Variants in FAM161A observed in about 807,000 individuals in gnomAD.
FAM161A encodes the protein protein FAM161A.
FAM161A carries 57 observed loss-of-function variants against 70.9 expected under a neutral mutation model. That is an observed-to-expected ratio of 0.80 (90% confidence interval 0.65 to 1.00). The LOEUF (loss-of-function observed/expected upper bound fraction) is 1.00, where lower values mean the gene tolerates loss of function less well. Ranked by LOEUF, FAM161A falls within the 50% of genes least tolerant of loss-of-function variation. The probability of loss-of-function intolerance (pLI) is 0.00; values close to 1 mark genes in which losing one functional copy is unlikely to be tolerated. For missense variants in FAM161A, 880 were observed against 836.0 expected, an observed-to-expected ratio of 1.05 and a Z score of -0.65; for synonymous variants, 299 against 295.7, an observed-to-expected ratio of 1.01 and a Z score of -0.12.
In FAM161A at chr2:61,847,040, T is replaced by C. The variant is rs1019657503; in HGVS notation, c.184-4680A>G. 29 of 384,898 alleles carry C rather than the reference T, an allele frequency of 7.5e-5. No homozygotes were observed. In the Middle Eastern group the frequency reaches 3.2e-3, roughly 42 times the overall value. 23.8% of individuals were successfully genotyped at this position (384,898 alleles called of 1,614,324 possible). A position where few individuals can be genotyped will look rare whatever the true frequency, so the allele number is the denominator to read the frequency against. The stretch of plus-strand genomic sequence containing the variant: ...AGTCGGGTGTGGTGGTGCATGCCTA[T>C]AATCCCAGCTACTCGGGAGGCTGAG... On this transcript the variant is annotated intron_variant, in intron 1 of 6. Transcript: ENST00000404929.
At chr2:61,845,694 C>T (rs544033275) in intron 1 of FAM161A, among the ~76,000 whole-genome samples, 1 of 151,882 alleles carries the variant, frequency 6.6e-6, no homozygotes, top group East Asian at 1.9e-4. Context: ...GATGTGGTGG[C>T]TGAGGTGGGA....
At chr2:61,812,035 T>C in the FAM161A span, among the ~76,000 whole-genome samples, 1 of 152,124 alleles carries the variant, frequency 6.6e-6, no homozygotes, top group Non-Finnish European at 1.5e-5. Flanking sequence ...TGTTCCTCTA[T>C]CTAAGATGCC....
In FAM161A at chr2:61,853,751, A is replaced by C. The variant is rs911989633; in HGVS notation, c.183+108T>G. The C allele has an allele frequency of 3.2e-6, 4 of 1,259,018 alleles. No homozygotes were observed. In the Admixed American group the frequency reaches 9.0e-5, roughly 28 times the overall value. 78.0% of individuals were successfully genotyped at this position (1,259,018 alleles called of 1,614,324 possible). A position where few individuals can be genotyped will look rare whatever the true frequency, so the allele number is the denominator to read the frequency against. On this transcript the variant is annotated intron_variant, in intron 1 of 6. Transcript: ENST00000404929. ...ACCACCAAGTAGGGACTATGTGCACAGGGACCCGCGTTTACCAGCCTGCCC... is the reference window on the plus strand; with the variant it reads ...ACCACCAAGTAGGGACTATGTGCACCGGGACCCGCGTTTACCAGCCTGCCC...
At chr2:61,811,872 C>T in the FAM161A span, among the ~76,000 whole-genome samples, 3 of 152,110 alleles carry the variant, frequency 2.0e-5, no homozygotes, top group African/African-American at 7.2e-5. Flanking sequence ...CCTATCTCAC[C>T]CAGAATAAAA....
At position 61,838,892 on chromosome 2, in the gene FAM161A, A is replaced by ATTTATTTATTTT. The variant is rs747578151; in HGVS notation, c.1584-188_1584-187insAAAATAAATAAA. 2.2e-3 allele frequency among the ~76,000 whole-genome samples: 288 copies of ATTTATTTATTTT among 130,324 alleles called. 2 individuals are homozygous for ATTTATTTATTTT. The highest frequency in any genetic ancestry group is 5.3e-3 in the African/African-American group (197 of 37,068). The allele number at this position is 130,324 out of a possible 152,430, so 85.5% of individuals were successfully genotyped here. A position where few individuals can be genotyped will look rare whatever the true frequency, so the allele number is the denominator to read the frequency against. The stretch of plus-strand genomic sequence containing the variant: ...TATTTATTTATTTATTTATTTATTT[A>ATTTATTTATTTT]TTTTTTTTGAGATGGAGTCTCGCTC... On this transcript the variant is annotated intron_variant, in intron 3 of 6. Transcript: ENST00000404929.
the FAM161A span, among the ~76,000 whole-genome samples, chr2:61,810,813 C>A: frequency 2.0e-5 from 3 of 151,940 alleles, 1 homozygote; most frequent in South Asian, 6.2e-4. Flanking sequence ...AGGTCCCTGG[C>A]AATGGAGAGA....
the FAM161A span, among the ~76,000 whole-genome samples, chr2:61,800,462 C>T: frequency 1.3e-5 from 2 of 152,170 alleles, no homozygotes; most frequent in East Asian, 3.9e-4. Flanking sequence ...CCGGTACCGT[C>T]GTTAGATTGT....
Position 61,839,462 on chromosome 2 carries a change from G to A in FAM161A, c.1542C>T (p.Pro514=), listed in dbSNP as rs539389330. 31 of 1,614,014 alleles carry A rather than the reference G, an allele frequency of 1.9e-5. No individual in the cohort carries two copies. The Admixed American group carries it at 2.7e-4, about 14-fold the overall frequency. The change falls in exon 3 of 7, where the codon CCC becomes CCT. Residue 514 remains proline, a synonymous_variant. Coordinates refer to ENST00000404929, the MANE Select transcript of FAM161A (RefSeq NM_001201543.2). ...GTCCTCTGGAAGATACCGTGGGCACGGGAGGGTTGCAGTTACAAGGCACAG... is the reference window on the plus strand; with the variant it reads ...GTCCTCTGGAAGATACCGTGGGCACAGGAGGGTTGCAGTTACAAGGCACAG... ...VNPVPCNCNP[P]VPTVSSRGRE...
chr2:61,849,134 TTA>T (rs1673407090), intron 1 of FAM161A, among the ~76,000 whole-genome samples: 1 of 122,118 alleles, frequency 8.2e-6, no homozygotes, highest in Non-Finnish European at 1.7e-5. Flanking sequence ...ATTTATATAC[TTA>T]TATATATTTA....
At chr2:61,815,963 C>T in the FAM161A span, among the ~76,000 whole-genome samples, 1 of 152,238 alleles carries the variant, frequency 6.6e-6, no homozygotes, top group Admixed American at 6.6e-5. Context: ...CTGTGTCTTG[C>T]AAATTTTTCA....
chr2:61,842,971 TA>T (rs1673075100), intron 1 of FAM161A, among the ~76,000 whole-genome samples: 1 of 152,122 alleles, frequency 6.6e-6, no homozygotes, highest in South Asian at 2.1e-4. Flanking sequence ...ACTTTCAGGG[TA>T]GCTGCTTCTG....
chr2:61,804,827 A>AAAGAG, the FAM161A span, among the ~76,000 whole-genome samples: 9 of 151,932 alleles, frequency 5.9e-5, no homozygotes, highest in African/African-American at 2.2e-4. Context: ...AGAGAAAGAG[A>AAAGAG]AAGAAAGAAG....
the FAM161A span, among the ~76,000 whole-genome samples, chr2:61,813,190 C>A: frequency 6.6e-6 from 1 of 152,058 alleles, no homozygotes; most frequent in African/African-American, 2.4e-5. Context: ...CGCCTGTAAT[C>A]CCAGCATTTT....
rs1403836395 is a variant in FAM161A, at chr2:61,838,571, G to C, written c.1718C>G (p.Ala573Gly). ...TTTTACTCTGGATTTAGATATTTGA[G>C]CTAAACTTTGATGTGAGTCATAAGC... ...AKAYDSHQSL[A>G]QISKSRVKCL... is the part of the protein sequence containing the mutation. The change falls in exon 4 of 7, where the codon GCT becomes GGT. Residue 573 changes from alanine (A) to glycine (G), a missense_variant. By Grantham distance (60) the Ala-to-Gly change is moderately conservative. Transcript: ENST00000404929. The C allele has an allele frequency of 6.8e-6, 11 of 1,610,832 alleles. No homozygotes were observed. Among genetic ancestry groups the C allele is most frequent in the Non-Finnish European group, 9.3e-6 (11 of 1,178,836 alleles).
the FAM161A span, among the ~76,000 whole-genome samples, chr2:61,813,871 G>A: frequency 6.6e-6 from 1 of 152,142 alleles, no homozygotes; most frequent in Non-Finnish European, 1.5e-5. Flanking sequence ...TATATACTAG[G>A]CTCTGGGCCA....
At chr2:61,808,699 T>C in the FAM161A span, among the ~76,000 whole-genome samples, 1 of 152,190 alleles carries the variant, frequency 6.6e-6, no homozygotes, top group Non-Finnish European at 1.5e-5. Context: ...AGAATAAGTT[T>C]AGGAAGGCTT....
In FAM161A at chr2:61,826,014, A is replaced by G. The variant is rs1031911332; in HGVS notation, c.*441T>C. 3 of 454,398 alleles carry G rather than the reference A, an allele frequency of 6.6e-6. No individual in the cohort carries two copies. The highest frequency in any genetic ancestry group is 2.0e-5 in the African/African-American group (1 of 49,996). The allele number at this position is 454,398 out of a possible 1,614,324, so 28.1% of individuals were successfully genotyped here. On this transcript the variant is annotated 3_prime_UTR_variant, in exon 7 of 7. Coordinates refer to ENST00000404929, the MANE Select transcript of FAM161A (RefSeq NM_001201543.2). Reference sequence around the variant, plus strand: ...TTATTCTGTGAAATGCACTGCAGAGAAAAAGAATGGGCAAATAGTATAATT... The same window carrying G: ...TTATTCTGTGAAATGCACTGCAGAGGAAAAGAATGGGCAAATAGTATAATT...
chr2:61,819,956 G>A (rs939083225), downstream of FAM161A, among the ~76,000 whole-genome samples: 1 of 151,916 alleles, frequency 6.6e-6, no homozygotes, highest in East Asian at 1.9e-4. Context: ...TTTCCTCATA[G>A]AGGATATTTT....
chr2:61,830,225 C>G (rs978118857), intron 5 of FAM161A, among the ~76,000 whole-genome samples: 10 of 152,124 alleles, frequency 6.6e-5, no homozygotes, highest in Admixed American at 3.9e-4. Context: ...GCAGAAAAAT[C>G]AATCAAACTA....
Sources: allele counts gnomAD v4.1 joint callset (sites outside exome capture counted in the v4.1 genomes callset), GRCh38; gene constraint gnomAD v4.1.1; transcripts MANE v1.5; gene names NCBI Gene and HGNC (gene_info 2026-07-23, HGNC 2026-07-21).